CSMD1: variants seen among roughly 807,000 people sequenced by gnomAD.
The protein encoded by CSMD1 is CUB and Sushi multiple domains 1.
A neutral mutation model predicts 417.5 loss-of-function variants in CSMD1; 213 were observed. The ratio of observed to expected loss-of-function variants is 0.51; its 90% confidence interval spans 0.46 to 0.57. The LOEUF is 0.57. Ranked by LOEUF, CSMD1 falls within the 20% of genes least tolerant of loss-of-function variation. The pLI, the probability that CSMD1 is intolerant of heterozygous loss-of-function variation, is 0.00. For synonymous variants in CSMD1, 2,862 were observed against 1,736.8 expected (o/e 1.65, Z -16.11); for missense variants, 6,923 against 4,529.7 (o/e 1.53, Z -15.17).
chr8:3,983,759 G>A (rs940802302), intron 5 of CSMD1, among the ~76,000 whole-genome samples: 3 of 152,150 alleles, frequency 2.0e-5, no homozygotes, highest in African/African-American at 4.8e-5. Flanking sequence ...ATCTGATGGG[G>A]CTGTCAACTG....
At chr8:3,740,123 G>C (rs951554285) in intron 6 of CSMD1, among the ~76,000 whole-genome samples, 2 of 151,974 alleles carry the variant, frequency 1.3e-5, no homozygotes, top group Non-Finnish European at 2.9e-5. Flanking sequence ...TTTTCTTTTT[G>C]AGATGGAGTT....
At chr8:2,947,004 C>T (rs1048012877) in intron 68 of CSMD1, among the ~76,000 whole-genome samples, 2 of 152,104 alleles carry the variant, frequency 1.3e-5, no homozygotes, top group East Asian at 1.9e-4. Context: ...ATGGGCTTAT[C>T]GCCATTTGCA....
intron 1 of CSMD1, among the ~76,000 whole-genome samples, chr8:4,760,662 A>AT (rs1269436583): frequency 4.6e-5 from 7 of 152,180 alleles, no homozygotes; most frequent in African/African-American, 1.7e-4. Context: ...CATGAGTAAC[A>AT]TTTTGTCTAT....
At chr8:3,565,207 TA>T in intron 10 of CSMD1, among the ~76,000 whole-genome samples, 1 of 117,274 alleles carries the variant, frequency 8.5e-6, no homozygotes, top group Middle Eastern at 7.8e-3. Context: ...GACAGATAGA[TA>T]GATAGAGAGA....
intron 10 of CSMD1, among the ~76,000 whole-genome samples, chr8:3,519,871 T>C (rs892424857): frequency 9.2e-5 from 14 of 152,240 alleles, no homozygotes; most frequent in African/African-American, 2.9e-4. Flanking sequence ...AAAATAGCAA[T>C]TATTTTACTC....
intron 1 of CSMD1, among the ~76,000 whole-genome samples, chr8:4,939,231 G>T (rs1807820081): frequency 6.6e-6 from 1 of 152,126 alleles, no homozygotes; most frequent in Non-Finnish European, 1.5e-5. Flanking sequence ...AGCAAATATG[G>T]AAAATTATAT....
At chr8:3,057,008 G>C (rs1414200922) in intron 49 of CSMD1, among the ~76,000 whole-genome samples, 1 of 151,916 alleles carries the variant, frequency 6.6e-6, no homozygotes, top group African/African-American at 2.4e-5. Flanking sequence ...TTAATTTTTT[G>C]CAGCCTAAAG....
At chr8:4,911,474 A>G (rs982149272) in intron 1 of CSMD1, among the ~76,000 whole-genome samples, 1 of 152,152 alleles carries the variant, frequency 6.6e-6, no homozygotes, top group Non-Finnish European at 1.5e-5. Context: ...GGATGTGATT[A>G]AGGTGTGGGT....
intron 3 of CSMD1, among the ~76,000 whole-genome samples, chr8:4,147,302 G>A (rs1804197812): frequency 6.6e-6 from 1 of 152,096 alleles, no homozygotes; most frequent in Non-Finnish European, 1.5e-5. Flanking sequence ...TTCCCAGCGG[G>A]GAAGGGGAAG....
chr8:4,622,994 G>GA (rs1297831402), intron 2 of CSMD1, among the ~76,000 whole-genome samples: 3 of 151,866 alleles, frequency 2.0e-5, no homozygotes, highest in Non-Finnish European at 4.4e-5. Flanking sequence ...AAACACAAAA[G>GA]AAAAAACATA....
intron 3 of CSMD1, among the ~76,000 whole-genome samples, chr8:4,229,045 C>T (rs189331607): frequency 2.4e-4 from 37 of 152,292 alleles, no homozygotes; most frequent in Non-Finnish European, 1.5e-4. Flanking sequence ...TTCTCAACCA[C>T]CTGGGATATC....
chr8:4,149,216 G>A (rs766494286), intron 3 of CSMD1, among the ~76,000 whole-genome samples: 4 of 151,940 alleles, frequency 2.6e-5, no homozygotes, highest in Admixed American at 6.6e-5. Context: ...CGTCCACCTC[G>A]GCCTCCCAAA....
chr8:3,343,291 T>A lies in CSMD1; in HGVS notation c.3631+3A>T. 1 of 1,612,268 alleles carries A rather than the reference T, an allele frequency of 6.2e-7. No homozygotes were observed. The highest frequency in any genetic ancestry group is 8.5e-7 in the Non-Finnish European group (1 of 1,178,500). ...GAACGTGATTAAGTCGTATGTTACTTACTGGTATAGGTGAGTTGAAAACCT... is the reference window on the plus strand; with the variant it reads ...GAACGTGATTAAGTCGTATGTTACTAACTGGTATAGGTGAGTTGAAAACCT... On this transcript the variant is annotated splice_donor_region_variant and intron_variant, in intron 23 of 69. Transcript: ENST00000635120.
At chr8:4,371,444 G>A (rs1802390819) in intron 3 of CSMD1, among the ~76,000 whole-genome samples, 1 of 152,188 alleles carries the variant, frequency 6.6e-6, no homozygotes, top group African/African-American at 2.4e-5. Context: ...AGGAGGAAAT[G>A]GAGCAGAGGG....
At chr8:4,493,774 C>A (rs1269743425) in intron 2 of CSMD1, among the ~76,000 whole-genome samples, 3 of 152,288 alleles carry the variant, frequency 2.0e-5, no homozygotes, top group East Asian at 1.9e-4. Flanking sequence ...TCAACTCTAT[C>A]CCTAAGAATA....
chr8:4,514,846 G>C (rs892841265), intron 2 of CSMD1, among the ~76,000 whole-genome samples: 1 of 152,142 alleles, frequency 6.6e-6, no homozygotes, highest in Non-Finnish European at 1.5e-5. Flanking sequence ...TACAGGTAGA[G>C]AAAGTCTACC....
At position 4,068,086 on chromosome 8, in the gene CSMD1, G is replaced by GA. The variant is rs200572364; in HGVS notation, c.416-35988dup. Among the ~76,000 whole-genome samples, 1,402 of 149,628 alleles carry GA rather than the reference G, an allele frequency of 9.4e-3. 6 individuals carry two copies. Among genetic ancestry groups the GA allele is most frequent in the Non-Finnish European group, 0.015 (1,023 of 66,804 alleles). On this transcript the variant is annotated intron_variant, in intron 3 of 69. Coordinates refer to ENST00000635120, the MANE Select transcript of CSMD1 (RefSeq NM_033225.6). The stretch of plus-strand genomic sequence containing the variant: ...CAGAGGGAGACAACGTCTCAAAAAA[G>GA]AAAAAAAGAAAAAAAGGGACACAAC...
At chr8:3,889,376 A>C (rs949315623) in intron 5 of CSMD1, among the ~76,000 whole-genome samples, 6 of 147,242 alleles carry the variant, frequency 4.1e-5, no homozygotes, top group Non-Finnish European at 4.5e-5. Context: ...TATTTTTTAA[A>C]ATTTTAATAT....
chr8:3,406,307 T>A lies in CSMD1; in HGVS notation c.2072-86A>T, dbSNP rs548475164. On this transcript the variant is annotated intron_variant, in intron 14 of 69. Coordinates refer to ENST00000635120, the MANE Select transcript of CSMD1 (RefSeq NM_033225.6). Reference sequence around the variant, plus strand: ...AAAAAAGAAGAAAACAGAACAAGCTTATAAAGCATTCATATAATGTATATA... The same window carrying A: ...AAAAAAGAAGAAAACAGAACAAGCTAATAAAGCATTCATATAATGTATATA... 13 of 1,059,006 alleles carry A rather than the reference T, an allele frequency of 1.2e-5. No individual in the cohort carries two copies. The African/African-American group carries it at 2.1e-4, about 17-fold the overall frequency. The allele number at this position is 1,059,006 out of a possible 1,614,324, so 65.6% of individuals were successfully genotyped here.
Sources: gnomAD v4.1 joint callset for allele counts (sites outside exome capture counted in the v4.1 genomes callset) on GRCh38, gnomAD v4.1.1 for gene constraint, MANE v1.5 for transcripts, NCBI Gene and HGNC (gene_info 2026-07-23, HGNC 2026-07-21) for gene names.